MCF2L2: variants seen among roughly 807,000 people sequenced by gnomAD.
MCF2L2 encodes the protein MCF.2 cell line derived transforming sequence-like 2.
A neutral mutation model predicts 150.2 loss-of-function variants in MCF2L2; 102 were observed. The ratio of observed to expected loss-of-function variants is 0.68; its 90% CI spans 0.58 to 0.80. MCF2L2 has a LOEUF of 0.80. Among genes scored for constraint, MCF2L2 ranks in the 30% least tolerant of loss-of-function variants. The probability of loss-of-function intolerance (pLI) is 0.00; values close to 1 mark genes in which losing one functional copy is unlikely to be tolerated. For missense variants in MCF2L2, 1,256 were observed against 1,372.8 expected (o/e 0.91, Z 1.34); for synonymous variants, 465 against 491.3 (o/e 0.95, Z 0.71).
At chr3:183,383,776 A>T (rs971878231) in intron 2 of MCF2L2, among the ~76,000 whole-genome samples, 3 of 152,060 alleles carry the variant, frequency 2.0e-5, no homozygotes, top group African/African-American at 7.2e-5. Context: ...TTTATTTTTT[A>T]ATTTTTAAAA....
chr3:183,412,161 A>C (rs1024840019), intron 1 of MCF2L2, among the ~76,000 whole-genome samples: 1 of 152,198 alleles, frequency 6.6e-6, no homozygotes, highest in African/African-American at 2.4e-5. Context: ...AATCACCTAG[A>C]AGTTTTAAAT....
chr3:183,221,134 C>T (rs1466626665), intron 20 of MCF2L2, among the ~76,000 whole-genome samples: 1 of 152,192 alleles, frequency 6.6e-6, no homozygotes, highest in Non-Finnish European at 1.5e-5. Context: ...CCTTTCTTTG[C>T]AGGCACGTAA....
chr3:183,217,464 C>T lies in MCF2L2; in HGVS notation c.2371-1370G>A, dbSNP rs182462329. On this transcript the variant is annotated intron_variant, in intron 21 of 29. Transcript: ENST00000328913. ...TCCAGCCTGGGCAACAAAGTGAGACCTTGTCTCACAAAAAAAGAAAAAAGA... is the reference window on the plus strand; with the variant it reads ...TCCAGCCTGGGCAACAAAGTGAGACTTTGTCTCACAAAAAAAGAAAAAAGA... 6.4e-3 allele frequency among the ~76,000 whole-genome samples: 965 copies of T among 151,880 alleles called. 4 individuals carry two copies. Among genetic ancestry groups the T allele is most frequent in the South Asian group, 0.025 (118 of 4,804 alleles).
intron 8 of MCF2L2, 32 bp from the exon 9 acceptor site, chr3:183,311,061 G>T: frequency 7.1e-7 from 1 of 1,403,486 alleles, no homozygotes; most frequent in Non-Finnish European, 1.0e-6. Flanking sequence ...GTGATGTTAG[G>T]TTAGCATTCA....
chr3:183,245,958 T>C (rs1180072711), intron 15 of MCF2L2, among the ~76,000 whole-genome samples: 1 of 152,240 alleles, frequency 6.6e-6, no homozygotes, highest in Non-Finnish European at 1.5e-5. Context: ...GATGATTTTA[T>C]GGTAAACTAC....
intron 1 of MCF2L2, among the ~76,000 whole-genome samples, chr3:183,409,502 GCACAACTTGTGA>G (rs1715211667): frequency 6.7e-6 from 1 of 149,350 alleles, no homozygotes; most frequent in East Asian, 2.0e-4. Context: ...ACATAATAAA[GCACAACTTGTGA>G]CACTAAAAGG....
chr3:183,371,640 C>CTT (rs68174534), intron 3 of MCF2L2, among the ~76,000 whole-genome samples: 4 of 141,640 alleles, frequency 2.8e-5, no homozygotes, highest in Non-Finnish European at 3.2e-5. Flanking sequence ...GATAATTTTT[C>CTT]TTTTTTTTTT....
chr3:183,250,541 C>T lies in MCF2L2; in HGVS notation c.1863-19524G>A, dbSNP rs1265735596. On this transcript the variant is annotated intron_variant, in intron 15 of 29. Coordinates refer to ENST00000328913, the MANE Select transcript of MCF2L2 (RefSeq NM_015078.4). ...GGCAGAGGTTACAGTGAAAGGAGAT[C>T]GTGCCACTGCACTCCAGCCTGGGTG... 6.7e-5 allele frequency among the ~76,000 whole-genome samples: 10 copies of T among 150,270 alleles called. No individual in the cohort carries two copies. The East Asian group carries it at 7.8e-4, about 12-fold the overall frequency.
At chr3:183,230,904 T>G (rs1157433488) in intron 16 of MCF2L2, 47 bp downstream of exon 16, 2 of 1,405,610 alleles carry the variant, frequency 1.4e-6, no homozygotes, top group Admixed American at 3.4e-5. Context: ...ACAAAACATC[T>G]GCAGTTTGAA....
Position 183,179,954 on chromosome 3 carries a change from T to A in MCF2L2, c.3105+117A>T, listed in dbSNP as rs1721460160. 1 of 910,332 alleles carries A rather than the reference T, an allele frequency of 1.1e-6. No homozygotes were observed. Among genetic ancestry groups the A allele is most frequent in the Admixed American group, 1.9e-5 (1 of 51,896 alleles). 56.4% of individuals were successfully genotyped at this position (910,332 alleles called of 1,614,324 possible). Reference sequence around the variant, plus strand: ...TCGGCTCCCTGGCTTAACCAGGTCCTTATGGGTGAGAATCCTGAGGAGGGG... The same window carrying A: ...TCGGCTCCCTGGCTTAACCAGGTCCATATGGGTGAGAATCCTGAGGAGGGG... On this transcript the variant is annotated intron_variant, in intron 28 of 29. Transcript: ENST00000328913. This position sits in a 1 kb window ranked among gnomAD's most constrained non-coding sequence, Gnocchi z 4.2.
chr3:183,275,969 A>G (rs561136898), intron 15 of MCF2L2, among the ~76,000 whole-genome samples: 19 of 152,356 alleles, frequency 1.2e-4, no homozygotes, highest in Non-Finnish European at 2.6e-4. Flanking sequence ...CTTAAAGAAC[A>G]CTAAGACTCT....
chr3:183,195,225 G>T lies in MCF2L2; in HGVS notation c.2915C>A (p.Thr972Lys), dbSNP rs371474687. The T allele has an allele frequency of 3.7e-6, 6 of 1,603,324 alleles. No homozygotes were observed. The highest frequency in any genetic ancestry group is 1.7e-5 in the Admixed American group (1 of 57,794). ...AAATAAAAAAATCAGTACTCACCTC[G>T]TGCTCATTTCAAACTGTGGATTTCC... is the stretch of plus-strand genomic sequence containing the variant. ...DQGNPQFEMS[T>K]SKGSGAGSGP... The change falls in exon 26 of 30, where the codon ACG becomes AAG. Residue 972 changes from threonine (T) to lysine (K), a missense_variant. Physicochemically the swap from Thr to Lys is moderately conservative, Grantham distance 78. Transcript: ENST00000328913.
rs1336380648 is a variant in MCF2L2, at chr3:183,293,575, C to T, written c.1675+1725G>A. On this transcript the variant is annotated intron_variant, in intron 13 of 29. Coordinates refer to ENST00000328913, the MANE Select transcript of MCF2L2 (RefSeq NM_015078.4). ...AAAAAATAGAAATAGAAGAGAATTC[C>T]CTCAATCTGATAAAAGACATCTGTG... 2.0e-5 allele frequency among the ~76,000 whole-genome samples: 3 copies of T among 152,040 alleles called. No homozygotes were observed. The South Asian group carries it at 6.2e-4, about 31-fold the overall frequency.
intron 3 of MCF2L2, chr3:183,373,311 G>A (rs1353928992): frequency 6.6e-6 from 1 of 152,144 alleles, no homozygotes; most frequent in African/African-American, 2.4e-5. Context: ...ATGTGGGAAG[G>A]TTTGTAATTC....
chr3:183,211,506 A>G (rs774610100), intron 22 of MCF2L2, among the ~76,000 whole-genome samples: 2 of 152,090 alleles, frequency 1.3e-5, no homozygotes, highest in Non-Finnish European at 2.9e-5. Flanking sequence ...GGGTGAGCAC[A>G]TGCCCTACAC....
Position 183,270,358 on chromosome 3 carries a change from A to G in MCF2L2, c.1862+6514T>C, listed in dbSNP as rs369205848. The stretch of plus-strand genomic sequence containing the variant: ...GCAAATACCTATTGTCCACATGCCA[A>G]ATTTCTTATGACTGCTGATGATGAC... On this transcript the variant is annotated intron_variant, in intron 15 of 29. Coordinates refer to ENST00000328913, the MANE Select transcript of MCF2L2 (RefSeq NM_015078.4). This position sits in a 1 kb window ranked among gnomAD's most constrained non-coding sequence, Gnocchi z 4.5. The G allele has an allele frequency of 1.4e-5, 22 of 1,614,054 alleles. No individual in the cohort carries two copies. The highest frequency in any genetic ancestry group is 2.2e-5 in the South Asian group (2 of 91,086).
At chr3:183,278,207 TA>T (rs1727271955) in intron 14 of MCF2L2, among the ~76,000 whole-genome samples, 1 of 148,658 alleles carries the variant, frequency 6.7e-6, no homozygotes, top group African/African-American at 2.5e-5. Context: ...TATATATATA[TA>T]TATTTTTTAT....
In MCF2L2 at chr3:183,390,766, G is replaced by A. The variant is rs141352977; in HGVS notation, c.77-987C>T. Among the ~76,000 whole-genome samples, 3 of 152,290 alleles carry A rather than the reference G, an allele frequency of 2.0e-5. No homozygotes were observed. The East Asian group carries it at 5.8e-4, about 29-fold the overall frequency. The stretch of plus-strand genomic sequence containing the variant: ...TTAAAAATTAGCCAAGCATGGTGAT[G>A]TATGCCTGCGGTCCCAGCTACTTGG... On this transcript the variant is annotated intron_variant, in intron 1 of 29. Transcript: ENST00000328913.
chr3:183,324,696 G>T (rs1729951917), intron 5 of MCF2L2, among the ~76,000 whole-genome samples: 1 of 151,834 alleles, frequency 6.6e-6, no homozygotes, highest in Admixed American at 6.6e-5. Context: ...TCGCATCACT[G>T]CACTCCAGAC....
Sources: gnomAD v4.1 joint callset for allele counts (sites outside exome capture counted in the v4.1 genomes callset) on GRCh38, gnomAD v4.1.1 for gene constraint, Gnocchi (gnomAD v3.1) non-coding constraint, MANE v1.5 for transcripts, NCBI Gene and HGNC (gene_info 2026-07-23, HGNC 2026-07-21) for gene names.